The following PRKG1 variants were observed in gnomAD, a reference collection of about 807,000 sequenced individuals.
PRKG1 encodes cGMP-dependent protein kinase 1.
In PRKG1, 35 loss-of-function variants were observed where a neutral mutation model predicts 88.1. The ratio of observed to expected loss-of-function variants is 0.40; its 90% CI spans 0.30 to 0.53. The LOEUF is 0.53. Ranked by LOEUF, PRKG1 falls within the 20% of genes least tolerant of loss-of-function variation. The probability of loss-of-function intolerance (pLI) is 0.59; values close to 1 mark genes in which losing one functional copy is unlikely to be tolerated. For synonymous variants in PRKG1, 303 were observed against 292.5 expected, an observed-to-expected ratio of 1.04 and a Z score of -0.37; for missense variants, 540 against 839.8, an observed-to-expected ratio of 0.64 and a Z score of 4.41.
chr10:51,595,210 T>C (rs1838413734), intron 3 of PRKG1, among the ~76,000 whole-genome samples: 1 of 151,986 alleles, frequency 6.6e-6, no homozygotes, highest in Admixed American at 6.6e-5. Flanking sequence ...TAGCTGGAGG[T>C]AGTAGAGCAT....
Position 50,991,726 on chromosome 10 carries a change from CG to C in PRKG1, c.266+85del. The C allele has an allele frequency of 1.9e-6, 2 of 1,069,452 alleles. No individual in the cohort carries two copies. Among genetic ancestry groups the C allele is most frequent in the Non-Finnish European group, 2.3e-6 (2 of 875,590 alleles). 66.2% of individuals were successfully genotyped at this position (1,069,452 alleles called of 1,614,324 possible). A position where few individuals can be genotyped will look rare whatever the true frequency, so the allele number is the denominator to read the frequency against. On this transcript the variant is annotated intron_variant, in intron 1 of 17. Coordinates refer to the PRKG1 transcript ENST00000401604. This position sits in a 1 kb window ranked among gnomAD's most constrained non-coding sequence, Gnocchi z 4.5. Reference sequence around the variant, plus strand: ...GGGGCTCTGGCCGCGGCGGCGGGGGCGGGTCGGCCCAGGGCGCCCCCTGCTC... The same window carrying C: ...GGGGCTCTGGCCGCGGCGGCGGGGGCGGTCGGCCCAGGGCGCCCCCTGCTC...
In PRKG1 at chr10:51,044,218, T is replaced by G. The variant is rs79097776; in HGVS notation, c.266+52574T>G. Among the ~76,000 whole-genome samples the G allele has an allele frequency of 4.5e-3, 686 of 152,324 alleles. 2 individuals are homozygous for G. Among genetic ancestry groups the G allele is most frequent in the African/African-American group, 0.016 (650 of 41,580 alleles). On this transcript the variant is annotated intron_variant, in intron 1 of 17. Transcript: ENST00000401604. ...GTTCTGGATCTTTCAGACCTCATTATGTGCCCCAGTGCTTCCCCTCACTAG... is the reference window on the plus strand; with the variant it reads ...GTTCTGGATCTTTCAGACCTCATTAGGTGCCCCAGTGCTTCCCCTCACTAG...
chr10:51,842,780 A>G (rs1589344123), intron 4 of PRKG1, among the ~76,000 whole-genome samples: 1 of 152,152 alleles, frequency 6.6e-6, no homozygotes, highest in South Asian at 2.1e-4. Context: ...AGTGTATGTC[A>G]TATAGTATAT....
intron 9 of PRKG1, among the ~76,000 whole-genome samples, chr10:52,182,528 G>T (rs1839065961): frequency 9.7e-6 from 1 of 102,806 alleles, no homozygotes; most frequent in Admixed American, 9.2e-5. Context: ...GTCCTGAATG[G>T]TAATGCCTAG....
intron 3 of PRKG1, among the ~76,000 whole-genome samples, chr10:51,743,006 C>A (rs577566506): frequency 6.6e-6 from 1 of 152,010 alleles, no homozygotes; most frequent in East Asian, 1.9e-4. Context: ...ATGTAACAAA[C>A]CTGCACGTTC....
intron 5 of PRKG1, among the ~76,000 whole-genome samples, chr10:52,053,245 A>G (rs1254357272): frequency 6.6e-6 from 1 of 152,104 alleles, no homozygotes; most frequent in Non-Finnish European, 1.5e-5. Flanking sequence ...TTATTTAAAA[A>G]TCTTGTTCCT....
chr10:51,602,156 G>A (rs1021462874), intron 3 of PRKG1, among the ~76,000 whole-genome samples: 4 of 152,044 alleles, frequency 2.6e-5, no homozygotes, highest in African/African-American at 4.8e-5. Flanking sequence ...ACATTAGCCC[G>A]AGGGGTTCGC....
intron 2 of PRKG1, among the ~76,000 whole-genome samples, chr10:51,315,643 T>C (rs1179052781): frequency 6.6e-6 from 1 of 152,202 alleles, no homozygotes; most frequent in African/African-American, 2.4e-5. Context: ...CTAAGTAACT[T>C]TCCTGAGACC....
intron 1 of PRKG1, among the ~76,000 whole-genome samples, chr10:51,054,873 C>T (rs1843608499): frequency 6.6e-6 from 1 of 152,156 alleles, no homozygotes; most frequent in Non-Finnish European, 1.5e-5. Flanking sequence ...ATGCCCACCT[C>T]ATACATTTGT....
chr10:51,541,637 G>A (rs893118464), intron 3 of PRKG1, among the ~76,000 whole-genome samples: 1 of 151,904 alleles, frequency 6.6e-6, no homozygotes, highest in African/African-American at 2.4e-5. Flanking sequence ...TTTTGATATT[G>A]CATTATATTG....
intron 5 of PRKG1, among the ~76,000 whole-genome samples, chr10:51,994,543 A>G (rs1457380460): frequency 6.6e-6 from 1 of 152,186 alleles, no homozygotes; most frequent in African/African-American, 2.4e-5. Context: ...AGGCTAGTCA[A>G]TTCCCAATCT....
At chr10:51,566,779 G>A (rs1837616368) in intron 3 of PRKG1, among the ~76,000 whole-genome samples, 1 of 151,920 alleles carries the variant, frequency 6.6e-6, no homozygotes, top group South Asian at 2.1e-4. Context: ...ACAAAGATAT[G>A]GAAATGAGAA....
At chr10:51,927,192 G>T (rs1842596979) in intron 5 of PRKG1, among the ~76,000 whole-genome samples, 1 of 152,144 alleles carries the variant, frequency 6.6e-6, no homozygotes, top group South Asian at 2.1e-4. Flanking sequence ...GAGGGACCTG[G>T]TGGGAGATAA....
chr10:51,261,256 T>G (rs890126842), intron 2 of PRKG1, among the ~76,000 whole-genome samples: 1 of 152,232 alleles, frequency 6.6e-6, no homozygotes, highest in Non-Finnish European at 1.5e-5. Context: ...AAACTTTTGT[T>G]ACATTTGGAA....
At chr10:51,711,533 T>C (rs1479870685) in intron 3 of PRKG1, among the ~76,000 whole-genome samples, 1 of 152,236 alleles carries the variant, frequency 6.6e-6, no homozygotes, top group Non-Finnish European at 1.5e-5. Context: ...ATGCTTCCTG[T>C]TGTCTAGGTA....
intron 5 of PRKG1, among the ~76,000 whole-genome samples, chr10:52,027,989 A>G (rs1317127591): frequency 6.6e-6 from 1 of 152,066 alleles, no homozygotes; most frequent in African/African-American, 2.4e-5. Context: ...GGGTTTCACC[A>G]TGTTGGCCAG....
At chr10:52,073,326 A>G (rs1264833649) in intron 7 of PRKG1, among the ~76,000 whole-genome samples, 6 of 152,112 alleles carry the variant, frequency 3.9e-5, no homozygotes, top group African/African-American at 1.2e-4. Flanking sequence ...GCTTCGACAT[A>G]TCTTTTGGGA....
At chr10:51,458,747 T>G (rs756661397) in intron 2 of PRKG1, among the ~76,000 whole-genome samples, 15 of 152,282 alleles carry the variant, frequency 9.9e-5, no homozygotes, top group Admixed American at 4.6e-4. Flanking sequence ...AATCTCTGAT[T>G]GAAGCAACAT....
chr10:51,640,044 A>G (rs571407107), intron 3 of PRKG1, among the ~76,000 whole-genome samples: 9 of 152,332 alleles, frequency 5.9e-5, no homozygotes, highest in South Asian at 2.1e-4. Flanking sequence ...TAATGCACCA[A>G]AAGCAAAATC....
Sources: gnomAD v4.1 joint callset for allele counts (sites outside exome capture counted in the v4.1 genomes callset) on GRCh38, gnomAD v4.1.1 for gene constraint, Gnocchi (gnomAD v3.1) non-coding constraint, MANE v1.5 for transcripts, NCBI Gene and HGNC (gene_info 2026-07-23, HGNC 2026-07-21) for gene names.